The following HDAC4 variants were observed in gnomAD, a reference collection of about 807,000 sequenced individuals.
HDAC4 encodes histone deacetylase 4.
In HDAC4, 16 loss-of-function variants were observed where a neutral mutation model predicts 135.1. The ratio of observed to expected loss-of-function variants is 0.12; its 90% CI spans 0.08 to 0.18. The LOEUF is 0.18. Among genes scored for constraint, HDAC4 ranks in the 10% least tolerant of loss-of-function variants. The pLI is 1.00. For missense variants in HDAC4, 1,143 were observed against 1,511.8 expected (o/e 0.76, Z 4.05); for synonymous variants, 685 against 653.4 (o/e 1.05, Z -0.74).
Position 239,379,853 on chromosome 2 carries a change from G to A in HDAC4, c.-220+21125C>T, listed in dbSNP as rs180989419. Among the ~76,000 whole-genome samples the A allele has an allele frequency of 2.6e-3, 398 of 152,350 alleles. 1 individual carries two copies. The highest frequency in any genetic ancestry group is 3.9e-3 in the Non-Finnish European group (266 of 68,032). The stretch of plus-strand genomic sequence containing the variant: ...GGGTCACAGGAAACAAAGGACAGAA[G>A]AACACCAAGCCAGGCTCAGCACCTG... On this transcript the variant is annotated intron_variant, in intron 1 of 26. Coordinates refer to ENST00000543185, the MANE Select transcript of HDAC4 (RefSeq NM_001378414.1).
chr2:239,079,243 G>T (rs2035060676), intron 22 of HDAC4, among the ~76,000 whole-genome samples: 1 of 152,200 alleles, frequency 6.6e-6, no homozygotes, highest in Non-Finnish European at 1.5e-5. Context: ...CAGGGCATCT[G>T]TCAACATTAC....
intron 11 of HDAC4, among the ~76,000 whole-genome samples, chr2:239,130,163 A>G (rs2040469528): frequency 6.6e-6 from 1 of 152,212 alleles, no homozygotes; most frequent in African/African-American, 2.4e-5. Flanking sequence ...CCGGCCGCCC[A>G]AGGGAACAAT....
At chr2:239,123,301 C>T (rs1308056475) in intron 12 of HDAC4, among the ~76,000 whole-genome samples, 1 of 152,226 alleles carries the variant, frequency 6.6e-6, no homozygotes, top group Admixed American at 6.5e-5. Context: ...AGCCTGTGCC[C>T]TTCCCGTCCC....
At chr2:239,067,105 C>G in intron 23 of HDAC4, 1 of 562,196 alleles carries the variant, frequency 1.8e-6, no homozygotes, top group South Asian at 2.0e-5. Context: ...CTTTAGGGGA[C>G]GAGGGCAGCC....
chr2:239,272,729 C>T (rs182268924), intron 2 of HDAC4, among the ~76,000 whole-genome samples: 1 of 152,238 alleles, frequency 6.6e-6, no homozygotes, highest in African/African-American at 2.4e-5. Context: ...CCCCAATGCA[C>T]CCCTGCGCTG....
chr2:239,277,895 T>TACGCCCCAGTCAC (rs537619089), intron 2 of HDAC4, among the ~76,000 whole-genome samples: 3,464 of 151,064 alleles, frequency 0.023, 146 homozygotes, highest in African/African-American at 0.079. Flanking sequence ...GCCCCAGTCA[T>TACGCCCCAGTCAC]ACGCCCCAGT....
intron 2 of HDAC4, among the ~76,000 whole-genome samples, chr2:239,338,142 G>A (rs62182111): frequency 0.33 from 50,235 of 151,864 alleles, 9,367 homozygotes; most frequent in Non-Finnish European, 0.43. Context: ...AGACAACTCC[G>A]CTCCCAGCTG....
intron 2 of HDAC4, among the ~76,000 whole-genome samples, chr2:239,292,930 T>G (rs1016238806): frequency 2.0e-5 from 3 of 152,084 alleles, no homozygotes; most frequent in Non-Finnish European, 2.9e-5. Context: ...AAAGAACATT[T>G]CCGATTTGAA....
At chr2:239,210,361 G>A (rs891148467) in intron 3 of HDAC4, among the ~76,000 whole-genome samples, 1 of 152,132 alleles carries the variant, frequency 6.6e-6, no homozygotes. Context: ...AGAAAACGAC[G>A]TCAGTATGAT....
At chr2:239,241,413 T>C (rs1028857301) in intron 2 of HDAC4, among the ~76,000 whole-genome samples, 16 of 152,210 alleles carry the variant, frequency 1.1e-4, no homozygotes, top group African/African-American at 3.9e-4. Flanking sequence ...TTCTTACATG[T>C]TTATTGGCTT....
rs138944381 is a variant in HDAC4 at position 239,240,477 on chromosome 2, T to G, written c.23-3813A>C. Among the ~76,000 whole-genome samples, 1 of 152,318 alleles carries G rather than the reference T, an allele frequency of 6.6e-6. No homozygotes were observed. Among genetic ancestry groups the G allele is most frequent in the East Asian group, 1.9e-4 (1 of 5,184 alleles). ...ATTTCTCAGGCTGAGGAGAAAGCGG[T>G]GCTAAGAACCCAGCGTTTACAAGCA... On this transcript the variant is annotated intron_variant, in intron 2 of 26. Transcript: ENST00000543185. The surrounding 1 kb of genome is among the most constrained non-coding windows in gnomAD (Gnocchi z 4.5).
intron 7 of HDAC4, chr2:239,154,708 C>A (rs142063216): frequency 6.6e-6 from 1 of 152,084 alleles, no homozygotes; most frequent in Admixed American, 6.6e-5. Context: ...AGAATCAGCC[C>A]ACAGATTCTC....
At chr2:239,373,733 C>A (rs1449627877) in intron 1 of HDAC4, among the ~76,000 whole-genome samples, 1 of 152,184 alleles carries the variant, frequency 6.6e-6, no homozygotes, top group Admixed American at 6.5e-5. Flanking sequence ...TCAAATGTTA[C>A]ACATATTTTT....
At chr2:239,099,955 CCT>C (rs1211533346) in intron 16 of HDAC4, among the ~76,000 whole-genome samples, 1 of 152,248 alleles carries the variant, frequency 6.6e-6, no homozygotes. Flanking sequence ...GCCTGGAATG[CCT>C]CTGTGCCACC....
chr2:239,274,919 C>T (rs1018832476), intron 2 of HDAC4, among the ~76,000 whole-genome samples: 1 of 152,242 alleles, frequency 6.6e-6, no homozygotes, highest in African/African-American at 2.4e-5. Context: ...ATGGTGACAT[C>T]TCTTTTTAAT....
At chr2:239,389,445 G>A (rs962691092) in intron 1 of HDAC4, among the ~76,000 whole-genome samples, 1 of 152,178 alleles carries the variant, frequency 6.6e-6, no homozygotes, top group Non-Finnish European at 1.5e-5. Flanking sequence ...GGACACATCT[G>A]AAGGAACAAA....
In HDAC4 at chr2:239,262,179, G is replaced by A. The variant is rs956852661; in HGVS notation, c.23-25515C>T. ...GGAGCCACGGTCCACTGAGACCCAC[G>A]ACAAGGTATCCACGTGGCTTTTTAT... is the stretch of plus-strand genomic sequence containing the variant. On this transcript the variant is annotated intron_variant, in intron 2 of 26. Coordinates refer to ENST00000543185, the MANE Select transcript of HDAC4 (RefSeq NM_001378414.1). The surrounding 1 kb of genome is among the most constrained non-coding windows in gnomAD (Gnocchi z 4.1). 1.3e-5 allele frequency among the ~76,000 whole-genome samples: 2 copies of A among 152,178 alleles called. No individual in the cohort carries two copies. Among genetic ancestry groups the A allele is most frequent in the Admixed American group, 6.5e-5 (1 of 15,280 alleles).
intron 2 of HDAC4, among the ~76,000 whole-genome samples, chr2:239,237,942 T>TC (rs1559268211): frequency 6.6e-6 from 1 of 152,194 alleles, no homozygotes; most frequent in Non-Finnish European, 1.5e-5. Context: ...CTGGGCATAT[T>TC]CGGAGGCAAA....
At chr2:239,338,141 C>T (rs181456486) in intron 2 of HDAC4, among the ~76,000 whole-genome samples, 45 of 152,252 alleles carry the variant, frequency 3.0e-4, no homozygotes, top group Non-Finnish European at 6.0e-4. Context: ...GAGACAACTC[C>T]GCTCCCAGCT....
Sources: allele counts gnomAD v4.1 joint callset (sites outside exome capture counted in the v4.1 genomes callset), GRCh38; gene constraint gnomAD v4.1.1; non-coding constraint Gnocchi (gnomAD v3.1); transcripts MANE v1.5; gene names NCBI Gene and HGNC (gene_info 2026-07-23, HGNC 2026-07-21).